The following HEATR9 variants were observed in gnomAD, a reference collection of about 807,000 sequenced individuals.
The protein encoded by HEATR9 is protein HEATR9.
Under a neutral mutation model 68.2 loss-of-function variants are expected in HEATR9, and 54 were observed. The ratio of observed to expected loss-of-function variants is 0.79; its 90% CI spans 0.64 to 0.99. The LOEUF is 0.99. Among genes scored for constraint, HEATR9 ranks in the 50% least tolerant of loss-of-function variants. The pLI, the probability that HEATR9 is intolerant of heterozygous loss-of-function variation, is 0.00. For synonymous variants in HEATR9, 241 were observed against 253.5 expected (o/e 0.95, Z 0.47); for missense variants, 662 against 679.7 (o/e 0.97, Z 0.29).
intron 3 of HEATR9, 43 bp downstream of exon 3, chr17:35,865,172 A>T: frequency 1.3e-6 from 2 of 1,586,860 alleles, no homozygotes; most frequent in Non-Finnish European, 1.7e-6. Context: ...CTTTCCTAGA[A>T]GATGTGGAGG....
chr17:35,858,946 A>G lies in HEATR9; in HGVS notation c.881T>C (p.Met294Thr), dbSNP rs1296722944. Residue 294 changes from methionine (M) to threonine (T), a missense_variant, in exon 9 of 15, where the codon ATG (methionine) becomes ACG (threonine). Met to Thr is a moderately conservative substitution (Grantham distance 81). Coordinates refer to ENST00000604834, the MANE Select transcript of HEATR9 (RefSeq NM_152781.4). Reference protein sequence around the residue: ...CLGFLRPCSNMVQEFLLQCLC... With the variant: ...CLGFLRPCSNTVQEFLLQCLC... Reference sequence around the variant, plus strand: ...GCACTGCAACAAGAACTCTTGGACCATGTTGCTGCAAGGCCTCAGGAAACC... The same window carrying G: ...GCACTGCAACAAGAACTCTTGGACCGTGTTGCTGCAAGGCCTCAGGAAACC... The G allele has an allele frequency of 1.1e-5, 17 of 1,614,056 alleles. No individual in the cohort carries two copies. The South Asian group carries it at 1.8e-4, about 17-fold the overall frequency.
rs142854620 is a variant in HEATR9 at position 35,859,020 on chromosome 17, C to G, written c.807G>C (p.Leu269=). ...EGKLVPVLQT[L]IKKSSSEASL... is the part of the protein sequence containing the mutation. ...ATGCTTCACTGGACGACTTCTTGAT[C>G]AGTGTCTGTAGTACAGGCACCAGCT... The change falls in exon 9 of 15, where the codon CTG becomes CTC. Residue 269 remains leucine (L), a synonymous_variant. Transcript: ENST00000604834. 1 of 1,614,112 alleles carries G rather than the reference C, an allele frequency of 6.2e-7. No homozygotes were observed. Among genetic ancestry groups the G allele is most frequent in the Non-Finnish European group, 8.5e-7 (1 of 1,180,050 alleles).
At chr17:35,866,133 C>T (rs74500664) in intron 2 of HEATR9, among the ~76,000 whole-genome samples, 3,241 of 152,000 alleles carry the variant, frequency 0.021, 68 homozygotes, top group East Asian at 0.11. Context: ...AGCTGTGGTT[C>T]CCAACTTTGT....
intron 7 of HEATR9, 144 bp from the exon 8 acceptor site, chr17:35,863,269 G>A (rs904640328): frequency 2.1e-5 from 24 of 1,170,026 alleles, no homozygotes; most frequent in Non-Finnish European, 2.9e-5. Context: ...AGGATACCAG[G>A]GCAGCTGGCT....
At chr17:35,867,365 G>C (rs1024699393) in intron 1 of HEATR9, among the ~76,000 whole-genome samples, 3 of 149,470 alleles carry the variant, frequency 2.0e-5, no homozygotes, top group African/African-American at 7.4e-5. Context: ...AACCTGGGAG[G>C]TGAAGGTTGC....
At chr17:35,865,424 A>G in intron 2 of HEATR9, 28 bp from the exon 3 acceptor site, 1 of 1,603,294 alleles carries the variant, frequency 6.2e-7, no homozygotes, top group Non-Finnish European at 8.5e-7. Flanking sequence ...CAGAACAGTC[A>G]GAGGGGTCCC....
intron 8 of HEATR9, among the ~76,000 whole-genome samples, 176 bp from the exon 9 acceptor site, chr17:35,859,246 A>G (rs918267982): frequency 2.6e-5 from 4 of 152,116 alleles, no homozygotes; most frequent in Non-Finnish European, 4.4e-5. Context: ...TCATTTCTCT[A>G]TAACTATCTC....
chr17:35,862,188 T>C (rs756506030), intron 8 of HEATR9, among the ~76,000 whole-genome samples: 1 of 152,118 alleles, frequency 6.6e-6, no homozygotes, highest in African/African-American at 2.4e-5. Flanking sequence ...TTTCTAAAAA[T>C]AAATTTATTG....
At position 35,859,274 on chromosome 17, in the gene HEATR9, AC is replaced by A. The variant is rs2087891779; in HGVS notation, c.757-205del. On this transcript the variant is annotated intron_variant, in intron 8 of 14. Coordinates refer to ENST00000604834, the MANE Select transcript of HEATR9 (RefSeq NM_152781.4). ...ACTATCTCATGGATGGATCACTGTT[AC>A]TCTCTTCAACACTTCTGCTGTGTTA... 3.3e-5 allele frequency among the ~76,000 whole-genome samples: 5 copies of A among 152,052 alleles called. No homozygotes were observed. The South Asian group carries it at 1.0e-3, about 32-fold the overall frequency.
At chr17:35,865,594 G>A (rs555717912) in intron 2 of HEATR9, among the ~76,000 whole-genome samples, 198 bp from the exon 3 acceptor site, 4 of 152,144 alleles carry the variant, frequency 2.6e-5, no homozygotes, top group Non-Finnish European at 5.9e-5. Context: ...CAAAGTCTCA[G>A]TCTTCTTATC....
chr17:35,858,875 C>G lies in HEATR9; in HGVS notation c.939+13G>C. On this transcript the variant is annotated intron_variant, in intron 9 of 14. Coordinates refer to ENST00000604834, the MANE Select transcript of HEATR9 (RefSeq NM_152781.4). ...CTGTTTCCCCAGGGATCCCAGCCTC[C>G]TGCCCCTCACACCTTCATCCGCTGG... The G allele has an allele frequency of 6.2e-7, 1 of 1,611,580 alleles. No individual in the cohort carries two copies. The highest frequency in any genetic ancestry group is 8.5e-7 in the Non-Finnish European group (1 of 1,178,870).
At chr17:35,867,614 A>G (rs1055395369) in intron 1 of HEATR9, among the ~76,000 whole-genome samples, 6 of 151,994 alleles carry the variant, frequency 3.9e-5, no homozygotes, top group African/African-American at 1.5e-4. Flanking sequence ...TTCAAGACCA[A>G]TCTGGGCAAC....
At chr17:35,860,144 C>T (rs977184181) in intron 8 of HEATR9, among the ~76,000 whole-genome samples, 15 of 151,944 alleles carry the variant, frequency 9.9e-5, no homozygotes, top group Non-Finnish European at 1.6e-4. Flanking sequence ...CGCCTGTAAT[C>T]CCAGCACTTT....
At chr17:35,861,427 C>G in intron 8 of HEATR9, 2 of 1,607,100 alleles carry the variant, frequency 1.2e-6, no homozygotes, top group Non-Finnish European at 1.7e-6. Flanking sequence ...CCTAACTTTG[C>G]GAGGATTGCG....
At chr17:35,864,224 C>G in intron 6 of HEATR9, 22 bp downstream of exon 6, 1 of 1,596,818 alleles carries the variant, frequency 6.3e-7, no homozygotes, top group Non-Finnish European at 8.6e-7. Flanking sequence ...CTTTCCTGAA[C>G]TCCAGCAGTT....
Position 35,858,532 on chromosome 17 carries a change from G to A in HEATR9, c.940-7C>T, listed in dbSNP as rs746278293. The stretch of plus-strand genomic sequence containing the variant: ...TGACCAGCATCCTAAGTGCCTATGA[G>A]GGGGCAGGGTAGGGCAGGGTGTACA... On this transcript the variant is annotated splice_region_variant and splice_polypyrimidine_tract_variant and intron_variant, in intron 9 of 14. Transcript: ENST00000604834. 2 of 1,025,380 alleles carry A rather than the reference G, an allele frequency of 2.0e-6. No homozygotes were observed. Among genetic ancestry groups the A allele is most frequent in the Non-Finnish European group, 2.5e-6 (2 of 794,026 alleles). The allele number at this position is 1,025,380 out of a possible 1,614,324, so 63.5% of individuals were successfully genotyped here. A position where few individuals can be genotyped will look rare whatever the true frequency, so the allele number is the denominator to read the frequency against.
chr17:35,866,769 G>A lies in HEATR9; in HGVS notation c.93C>T (p.Leu31=). ...WLEYPDKTKE[L]RKAMAPVHLP... is the part of the protein sequence containing the mutation. ...GATGAACAGGAGCCATGGCTTTTCTGAGTTCTGGCAAGAGGGATAAGAGTA... is the reference window on the plus strand; with the variant it reads ...GATGAACAGGAGCCATGGCTTTTCTAAGTTCTGGCAAGAGGGATAAGAGTA... The change falls in exon 2 of 15, where the codon CTC becomes CTT. Residue 31 remains leucine, a synonymous_variant. Coordinates refer to ENST00000604834, the MANE Select transcript of HEATR9 (RefSeq NM_152781.4). 1.2e-6 allele frequency: 2 copies of A among 1,614,024 alleles called. No homozygotes were observed. Among genetic ancestry groups the A allele is most frequent in the Non-Finnish European group, 1.7e-6 (2 of 1,179,890 alleles).
chr17:35,865,101 TCTGGGACCTGTAGGCTGACTTGC>T, intron 3 of HEATR9, 91 bp downstream of exon 3: 1 of 1,369,506 alleles, frequency 7.3e-7, no homozygotes, highest in Non-Finnish European at 1.0e-6. Context: ...TAAGCTCCTC[TCTGGGACCTGTAGGCTGACTTGC>T]CTTACTCCCT....
rs1243468962 is a variant in HEATR9, at chr17:35,863,119, A to G, written c.632T>C (p.Leu211Pro). 4.3e-6 allele frequency: 7 copies of G among 1,613,782 alleles called. No individual in the cohort carries two copies. In the African/African-American group the frequency reaches 9.4e-5, roughly 22 times the overall value. Residue 211 changes from leucine to proline, a missense_variant, in exon 8 of 15, where the codon CTG (leucine) becomes CCG (proline). Physicochemically the swap from Leu to Pro is moderately conservative, Grantham distance 98. Coordinates refer to ENST00000604834, the MANE Select transcript of HEATR9 (RefSeq NM_152781.4). ...AYRTLAILGCLNKHVIRALIK... is the reference protein window; with the variant it reads ...AYRTLAILGCPNKHVIRALIK... The stretch of plus-strand genomic sequence containing the variant: ...GAGAGCCCGGATCACATGCTTATTC[A>G]GGCAACCTGGACAGGGAGGGGCCTC...
Sources: allele counts gnomAD v4.1 joint callset (sites outside exome capture counted in the v4.1 genomes callset), GRCh38; gene constraint gnomAD v4.1.1; transcripts MANE v1.5; gene names NCBI Gene and HGNC (gene_info 2026-07-23, HGNC 2026-07-21).